Variants in HENMT1 observed in about 807,000 individuals in gnomAD.
The protein encoded by HENMT1 is HEN methyltransferase 1.
Under a neutral mutation model 31.1 loss-of-function variants are expected in HENMT1, and 27 were observed. The ratio of observed to expected loss-of-function variants is 0.87; its 90% CI spans 0.64 to 1.20. HENMT1 has a LOEUF of 1.20. Ranked by LOEUF, HENMT1 falls within the 50% of genes most tolerant of loss-of-function variation. The pLI is 0.00. For missense variants in HENMT1, 438 were observed against 469.6 expected (o/e 0.93, Z 0.62); for synonymous variants, 167 against 172.2 (o/e 0.97, Z 0.24).
At chr1:108,653,996 C>T (rs1247034392) in intron 5 of HENMT1, among the ~76,000 whole-genome samples, 2 of 152,136 alleles carry the variant, frequency 1.3e-5, no homozygotes, top group East Asian at 3.8e-4. Flanking sequence ...TTCCTGTTTT[C>T]TTCCAGTACT....
At chr1:108,649,971 G>A in intron 7 of HENMT1, 2 of 600,922 alleles carry the variant, frequency 3.3e-6, no homozygotes, top group Non-Finnish European at 6.2e-6. Context: ...AGTATTCTAA[G>A]ACAACCCCAG....
At chr1:108,654,629 C>A (rs1389675181) in intron 5 of HENMT1, 87 bp downstream of exon 5, 2 of 1,284,294 alleles carry the variant, frequency 1.6e-6, no homozygotes, top group Non-Finnish European at 2.2e-6. Flanking sequence ...ATAATCAAGA[C>A]CTATTATATT....
chr1:108,659,811 T>G (rs1170549426), intron 2 of HENMT1, 53 bp downstream of exon 2: 31 of 1,113,914 alleles, frequency 2.8e-5, no homozygotes, highest in Non-Finnish European at 3.9e-5. Flanking sequence ...TCACAATACA[T>G]CCAGGTGATA....
Position 108,651,488 on chromosome 1 carries a change from T to C in HENMT1, c.399-279A>G, listed in dbSNP as rs1658053466. The C allele has an allele frequency of 5.6e-5, 15 of 269,294 alleles. No homozygotes were observed. The South Asian group carries it at 7.2e-4, about 13-fold the overall frequency. The allele number at this position is 269,294 out of a possible 1,614,324, so 16.7% of individuals were successfully genotyped here. On this transcript the variant is annotated intron_variant, in intron 5 of 7. Transcript: ENST00000651461. ...GATGAAACCTTGTCTCTACTAAAAA[T>C]ACAAAATTTTGCTGGGTGTGGTGGT...
intron 2 of HENMT1, among the ~76,000 whole-genome samples, chr1:108,658,131 A>ATATT (rs1553183818): frequency 7.0e-6 from 1 of 142,200 alleles, no homozygotes; most frequent in Non-Finnish European, 1.5e-5. Flanking sequence ...ATATATATAT[A>ATATT]TATTTTTTTT....
intron 3 of HENMT1, 118 bp from the exon 4 acceptor site, chr1:108,655,816 T>A: frequency 2.0e-6 from 1 of 506,974 alleles, no homozygotes; most frequent in Non-Finnish European, 3.6e-6. Flanking sequence ...AATGAAAGTA[T>A]TATATGGAAG....
chr1:108,660,626 T>C (rs1335147307), intron 1 of HENMT1, among the ~76,000 whole-genome samples: 1 of 152,206 alleles, frequency 6.6e-6, no homozygotes, highest in Admixed American at 6.5e-5. Flanking sequence ...AGTCACCAAC[T>C]TGTATTAAGA....
intron 3 of HENMT1, 148 bp from the exon 4 acceptor site, chr1:108,655,846 G>A: frequency 3.5e-6 from 1 of 286,710 alleles, no homozygotes; most frequent in Non-Finnish European, 6.3e-6. Context: ...GGCAGAAGAT[G>A]CTACACACAC....
At chr1:108,651,927 T>C (rs962968989) in intron 5 of HENMT1, among the ~76,000 whole-genome samples, 2 of 152,142 alleles carry the variant, frequency 1.3e-5, no homozygotes, top group Non-Finnish European at 2.9e-5. Context: ...CCTGATATAA[T>C]GCATCAAGGA....
intron 2 of HENMT1, among the ~76,000 whole-genome samples, chr1:108,657,982 CACAT>C (rs1352282287): frequency 3.0e-4 from 43 of 141,424 alleles, no homozygotes; most frequent in African/African-American, 1.0e-3. Flanking sequence ...TATACACACA[CACAT>C]ATATATACAC....
intron 6 of HENMT1, 83 bp from the exon 7 acceptor site, chr1:108,650,471 AAG>A: frequency 8.2e-7 from 1 of 1,215,108 alleles, no homozygotes; most frequent in Non-Finnish European, 1.2e-6. Flanking sequence ...TCAGCAGTAA[AAG>A]AGAACATGAA....
intron 1 of HENMT1, 102 bp from the exon 2 acceptor site, chr1:108,660,064 A>T: frequency 2.3e-6 from 1 of 429,554 alleles, no homozygotes; most frequent in Non-Finnish European, 4.0e-6. Flanking sequence ...TCCTTACTAC[A>T]GTATATAATT....
At chr1:108,649,020 G>A (rs768853891) in intron 7 of HENMT1, 29 bp from the exon 8 acceptor site, 7 of 1,514,822 alleles carry the variant, frequency 4.6e-6, no homozygotes, top group African/African-American at 1.4e-5. Context: ...ACACTTACAA[G>A]TGTATAATAA....
chr1:108,654,450 G>A (rs1658152229), intron 5 of HENMT1, among the ~76,000 whole-genome samples: 2 of 152,256 alleles, frequency 1.3e-5, no homozygotes, highest in Admixed American at 6.5e-5. Context: ...AGGGTGCAAT[G>A]TACAAATGAT....
chr1:108,657,947 T>C (rs1357755273), intron 2 of HENMT1, among the ~76,000 whole-genome samples: 1 of 150,832 alleles, frequency 6.6e-6, no homozygotes, highest in African/African-American at 2.5e-5. Flanking sequence ...GGCTGGAAAA[T>C]ATTTATAATG....
At chr1:108,650,631 T>C (rs1658022515) in intron 6 of HENMT1, among the ~76,000 whole-genome samples, 1 of 152,162 alleles carries the variant, frequency 6.6e-6, no homozygotes, top group Non-Finnish European at 1.5e-5. Flanking sequence ...GGGCAGGGTG[T>C]AGGGGTGGAC....
At chr1:108,654,292 T>C (rs532388281) in intron 5 of HENMT1, among the ~76,000 whole-genome samples, 34 of 152,180 alleles carry the variant, frequency 2.2e-4, no homozygotes, top group Non-Finnish European at 4.0e-4. Flanking sequence ...TACTGCTTTG[T>C]AGTACATTTT....
At chr1:108,656,236 A>G (rs1376240159) in intron 3 of HENMT1, among the ~76,000 whole-genome samples, 1 of 152,192 alleles carries the variant, frequency 6.6e-6, no homozygotes, top group Non-Finnish European at 1.5e-5. Flanking sequence ...ACAAAGATAT[A>G]AACTAATACC....
At chr1:108,659,584 C>G (rs926818655) in intron 2 of HENMT1, among the ~76,000 whole-genome samples, 5 of 152,202 alleles carry the variant, frequency 3.3e-5, no homozygotes, top group African/African-American at 1.2e-4. Flanking sequence ...ACAAAATCCC[C>G]AGGTGATCCA....
Sources: gnomAD v4.1 joint callset for allele counts (sites outside exome capture counted in the v4.1 genomes callset) on GRCh38, gnomAD v4.1.1 for gene constraint, MANE v1.5 for transcripts, NCBI Gene and HGNC (gene_info 2026-07-23, HGNC 2026-07-21) for gene names.